The following MYH11 variants were observed in gnomAD, a reference collection of about 807,000 sequenced individuals.
MYH11 encodes the protein myosin-11.
Under a neutral mutation model 246.6 loss-of-function variants are expected in MYH11, and 80 were observed. The ratio of observed to expected loss-of-function variants is 0.32; its 90% CI spans 0.27 to 0.39. The LOEUF (loss-of-function observed/expected upper bound fraction) is 0.39. MYH11 is among the 10% of genes least tolerant of loss of function. The pLI is 1.00. For missense variants in MYH11, 2,158 were observed against 2,546.8 expected (o/e 0.85, Z 3.29); for synonymous variants, 1,071 against 1,015.5 (o/e 1.05, Z -1.04).
intron 2 of MYH11, among the ~76,000 whole-genome samples, chr16:15,836,156 G>A (rs2043886183): frequency 6.6e-6 from 1 of 152,118 alleles, no homozygotes. Flanking sequence ...TCAGAGAGAA[G>A]ACATAGACAT....
rs1341624582 is a variant in MYH11 at position 15,761,142 on chromosome 16, G to T, written c.1130-484C>A. Among the ~76,000 whole-genome samples, 6 of 151,982 alleles carry T rather than the reference G, an allele frequency of 3.9e-5. No homozygotes were observed. In the South Asian group the frequency reaches 1.0e-3, roughly 26 times the overall value. ...TATTTATTTTTGGAGACAGAGTCTC[G>T]CTCTGTCGCCCAGGCTGGAGTGCAG... On this transcript the variant is annotated intron_variant, in intron 10 of 40. Coordinates refer to ENST00000300036, the MANE Select transcript of MYH11 (RefSeq NM_002474.3).
rs2151381579 is a variant in MYH11, at chr16:15,838,204, C to G, written c.49G>C (p.Asp17His). 1 of 1,614,054 alleles carries G rather than the reference C, an allele frequency of 6.2e-7. No individual in the cohort carries two copies. The highest frequency in any genetic ancestry group is 2.2e-5 in the East Asian group (1 of 44,854). ...ACTGGGCTGTTGATGAAGTTTTTGT[C>G]CACAAAGAGGAACTTCTCATCGTCA... is the stretch of plus-strand genomic sequence containing the variant. ...LSDDEKFLFVDKNFINSPVAQ... is the reference protein window; with the variant it reads ...LSDDEKFLFVHKNFINSPVAQ... The change falls in exon 2 of 41, where the codon GAC becomes CAC. Residue 17 changes from aspartate (D) to histidine (H), a missense_variant. Asp to His is a moderately conservative substitution (Grantham distance 81). Around this residue, in one of 11 missense-constraint regions of MYH11, gnomAD observed 96 missense variants for 91.9 expected, o/e 1.04. Coordinates refer to ENST00000300036, the MANE Select transcript of MYH11 (RefSeq NM_002474.3).
At chr16:15,746,945 C>T (rs1406448551) in intron 19 of MYH11, among the ~76,000 whole-genome samples, 1 of 151,966 alleles carries the variant, frequency 6.6e-6, no homozygotes, top group Non-Finnish European at 1.5e-5. Context: ...AAAATTAGGC[C>T]AGTGTGGTGG....
chr16:15,785,007 G>GTTTTTT, intron 5 of MYH11: 15 of 67,304 alleles, frequency 2.2e-4, no homozygotes, highest in East Asian at 5.5e-4. Flanking sequence ...TAATTCTCTT[G>GTTTTTT]ATTTTTTTTT....
intron 5 of MYH11, chr16:15,784,636 TG>T: frequency 6.3e-7 from 1 of 1,588,196 alleles, no homozygotes. Context: ...AAGAGGATCA[TG>T]CAGATCTAAG....
At chr16:15,775,486 CATTGGTTTATAT>C (rs1333093852) in intron 8 of MYH11, among the ~76,000 whole-genome samples, 1 of 150,778 alleles carries the variant, frequency 6.6e-6, no homozygotes, top group Non-Finnish European at 1.5e-5. Context: ...TGCCTGCACT[CATTGGTTTATAT>C]ATTGCCTGTG....
At chr16:15,763,741 T>TCCGGCCCCCCCCCCCCCCCC in intron 10 of MYH11, 55 bp downstream of exon 10, 1 of 646,860 alleles carries the variant, frequency 1.5e-6, no homozygotes, top group Non-Finnish European at 2.9e-6. Context: ...AAATGTCACC[T>TCCGGCCCCCCCCCCCCCCCC]CCCCCACCCC....
Position 15,727,077 on chromosome 16 carries a change from G to A in MYH11, c.3652-23C>T. On this transcript the variant is annotated intron_variant, in intron 27 of 40. Transcript: ENST00000300036. ...GGCCTGGCGAAGGAAGCAGAGGGGAGGGATAACAGGGAGGCTGTGGCCGGG... is the reference window on the plus strand; with the variant it reads ...GGCCTGGCGAAGGAAGCAGAGGGGAAGGATAACAGGGAGGCTGTGGCCGGG... 1.9e-6 allele frequency: 3 copies of A among 1,609,298 alleles called. No individual in the cohort carries two copies. The African/African-American group carries it at 4.0e-5, about 21-fold the overall frequency.
intron 6 of MYH11, 46 bp downstream of exon 6, chr16:15,782,339 T>A: frequency 6.5e-7 from 1 of 1,550,048 alleles, no homozygotes; most frequent in Non-Finnish European, 8.9e-7. Flanking sequence ...AGGCAGGAGA[T>A]GACACCAAAG....
At position 15,714,982 on chromosome 16, in the gene MYH11, G is replaced by T. The variant is rs749422717; in HGVS notation, c.5713C>A (p.Arg1905=). ...CTCTCCGTGGCCTCATCCAGCTCCC[G>T]CTGCAGCTTCCTGCGGTTGGCGTTG... ...RINANRRKLQ[R]ELDEATESNE... is the part of the protein sequence containing the mutation. Residue 1905 remains arginine (R), a synonymous_variant, in exon 40 of 41, where the codon CGG becomes AGG. Coordinates refer to ENST00000300036, the MANE Select transcript of MYH11 (RefSeq NM_002474.3). The T allele has an allele frequency of 1.9e-6, 3 of 1,613,880 alleles. No homozygotes were observed. The African/African-American group carries it at 4.0e-5, about 22-fold the overall frequency.
intron 1 of MYH11, among the ~76,000 whole-genome samples, chr16:15,850,405 G>C (rs762399257): frequency 3.3e-5 from 5 of 151,948 alleles, no homozygotes; most frequent in Non-Finnish European, 5.9e-5. Context: ...TAAATAAATA[G>C]TAAATTAAAT....
intron 1 of MYH11, among the ~76,000 whole-genome samples, chr16:15,850,787 C>T (rs530018346): frequency 6.6e-6 from 1 of 151,908 alleles, no homozygotes; most frequent in East Asian, 1.9e-4. Context: ...CCCAGCTACT[C>T]GGGAGGCTGA....
intron 7 of MYH11, 33 bp from the exon 8 acceptor site, chr16:15,776,209 A>T (rs1411971890): frequency 6.9e-7 from 1 of 1,452,786 alleles, no homozygotes; most frequent in South Asian, 1.1e-5. Flanking sequence ...TTCTGGGGAT[A>T]CTGCGGGTGT....
intron 28 of MYH11, chr16:15,726,383 T>TC (rs2040760177): frequency 6.2e-6 from 1 of 162,204 alleles, no homozygotes; most frequent in South Asian, 1.6e-4. Context: ...TTTTTTTTTT[T>TC]TCCTGAGACA....
chr16:15,825,065 C>T (rs146056094), intron 2 of MYH11, among the ~76,000 whole-genome samples: 62 of 152,256 alleles, frequency 4.1e-4, no homozygotes, highest in African/African-American at 1.4e-3. Flanking sequence ...GTGGATGAAG[C>T]TTGAAAATAT....
intron 25 of MYH11, 63 bp from the exon 26 acceptor site, chr16:15,735,641 G>A (rs1293292142): frequency 1.5e-5 from 23 of 1,559,444 alleles, no homozygotes; most frequent in Non-Finnish European, 1.9e-5. Flanking sequence ...CTTACAATGT[G>A]GCCAAAAACT....
At position 15,750,115 on chromosome 16, in the gene MYH11, A is replaced by T. The variant is rs763951896; in HGVS notation, c.2058+23T>A. ...GACAGCCCTGGCTTCTGGGAGCCCCAGGGTCTGGGCGGCGGGCCTCACCCT... is the reference window on the plus strand; with the variant it reads ...GACAGCCCTGGCTTCTGGGAGCCCCTGGGTCTGGGCGGCGGGCCTCACCCT... On this transcript the variant is annotated intron_variant, in intron 16 of 40. Coordinates refer to ENST00000300036, the MANE Select transcript of MYH11 (RefSeq NM_002474.3). This position sits in a 1 kb window ranked among gnomAD's most constrained non-coding sequence, Gnocchi z 4.3. The T allele has an allele frequency of 6.2e-7, 1 of 1,613,574 alleles. No homozygotes were observed. The highest frequency in any genetic ancestry group is 1.3e-5 in the African/African-American group (1 of 75,042).
At chr16:15,752,561 C>T (rs2041600461) in intron 15 of MYH11, among the ~76,000 whole-genome samples, 1 of 152,076 alleles carries the variant, frequency 6.6e-6, no homozygotes, top group Admixed American at 6.5e-5. Context: ...TTAGGGTAGG[C>T]CCAGCCATCT....
At chr16:15,838,963 C>A (rs911911508) in intron 1 of MYH11, among the ~76,000 whole-genome samples, 7 of 151,796 alleles carry the variant, frequency 4.6e-5, no homozygotes, top group African/African-American at 1.7e-4. Context: ...AGTCCTCATA[C>A]GATTAAACAT....
Sources: allele counts gnomAD v4.1 joint callset (sites outside exome capture counted in the v4.1 genomes callset), GRCh38; gene constraint gnomAD v4.1.1; regional missense constraint gnomAD v4.1.1; non-coding constraint Gnocchi (gnomAD v3.1); transcripts MANE v1.5; gene names NCBI Gene and HGNC (gene_info 2026-07-23, HGNC 2026-07-21).